Variants in CYP2C19 observed in about 807,000 individuals in gnomAD.
CYP2C19 encodes the protein cytochrome P450 2C19.
CYP2C19 carries 59 observed loss-of-function variants against 40.9 expected under a neutral mutation model. That is an observed-to-expected ratio of 1.44 (90% CI 1.17 to 1.79). CYP2C19 has a LOEUF of 1.79. Among genes scored for constraint, CYP2C19 ranks in the 40% most tolerant of loss-of-function variants. CYP2C19 has a pLI of 0.00. For missense variants in CYP2C19, 754 were observed against 596.9 expected (o/e 1.26, Z -2.74); for synonymous variants, 253 against 208.7 (o/e 1.21, Z -1.83).
At chr10:94,770,078 G>T (rs1848306140) in intron 1 of CYP2C19, among the ~76,000 whole-genome samples, 2 of 152,158 alleles carry the variant, frequency 1.3e-5, no homozygotes, top group South Asian at 4.1e-4. Context: ...CAGGACAGGA[G>T]ATTAACACTG....
chr10:94,776,247 A>C (rs1372746901), intron 3 of CYP2C19: 1 of 152,154 alleles, frequency 6.6e-6, no homozygotes, highest in African/African-American at 2.4e-5. Flanking sequence ...AAAATAATTT[A>C]TTTAACTAGA....
intron 1 of CYP2C19, among the ~76,000 whole-genome samples, chr10:94,770,491 G>A (rs538859524): frequency 4.7e-4 from 72 of 151,984 alleles, no homozygotes; most frequent in African/African-American, 1.7e-3. Flanking sequence ...TTTCCTTTTG[G>A]GCCTGTTCCT....
chr10:94,798,858 G>A (rs1455256198), intron 5 of CYP2C19, among the ~76,000 whole-genome samples: 4 of 103,414 alleles, frequency 3.9e-5, no homozygotes, highest in Non-Finnish European at 7.5e-5. Flanking sequence ...TTGCTTGGTA[G>A]ATCTTCCTCC....
chr10:94,789,793 G>A (rs1192201956), intron 5 of CYP2C19, among the ~76,000 whole-genome samples: 1 of 152,048 alleles, frequency 6.6e-6, no homozygotes, highest in African/African-American at 2.4e-5. Flanking sequence ...CTCCAGCTTT[G>A]TTCTTTTTGC....
chr10:94,841,961 A>G (rs1374687351), intron 6 of CYP2C19, among the ~76,000 whole-genome samples: 1 of 152,206 alleles, frequency 6.6e-6, no homozygotes, highest in Non-Finnish European at 1.5e-5. Flanking sequence ...AAGAATGTGT[A>G]TCTGTAGCAG....
At chr10:94,828,974 G>T (rs1029768072) in intron 6 of CYP2C19, among the ~76,000 whole-genome samples, 2 of 152,044 alleles carry the variant, frequency 1.3e-5, no homozygotes, top group African/African-American at 4.8e-5. Flanking sequence ...TTTTCTTTAA[G>T]AATGTTGAAT....
intron 5 of CYP2C19, among the ~76,000 whole-genome samples, chr10:94,788,192 T>C (rs1268695512): frequency 6.6e-6 from 1 of 151,942 alleles, no homozygotes; most frequent in East Asian, 1.9e-4. Context: ...ATTTTTGATG[T>C]ATACAAATGG....
At chr10:94,848,196 T>A (rs1002186658) in intron 7 of CYP2C19, among the ~76,000 whole-genome samples, 28 of 152,202 alleles carry the variant, frequency 1.8e-4, no homozygotes, top group African/African-American at 6.3e-4. Flanking sequence ...TCTTCTAGGA[T>A]TTTTATGGTT....
chr10:94,800,056 G>A (rs1249996647), intron 5 of CYP2C19, among the ~76,000 whole-genome samples: 4 of 152,180 alleles, frequency 2.6e-5, no homozygotes, highest in African/African-American at 4.8e-5. Context: ...CTAGTGAGGA[G>A]CTGTAATCCC....
chr10:94,849,375 A>G (rs1232060051), intron 7 of CYP2C19, among the ~76,000 whole-genome samples: 1 of 152,034 alleles, frequency 6.6e-6, no homozygotes, highest in Non-Finnish European at 1.5e-5. Flanking sequence ...AAGAAGAAAC[A>G]GGAAATTCAA....
At chr10:94,797,309 T>C (rs112800994) in intron 5 of CYP2C19, among the ~76,000 whole-genome samples, 2 of 152,166 alleles carry the variant, frequency 1.3e-5, no homozygotes, top group Non-Finnish European at 2.9e-5. Context: ...GATTTGCATA[T>C]GTTGAACCAG....
At chr10:94,837,989 A>G (rs1334912109) in intron 6 of CYP2C19, among the ~76,000 whole-genome samples, 1 of 152,156 alleles carries the variant, frequency 6.6e-6, no homozygotes, top group Non-Finnish European at 1.5e-5. Context: ...CCTATTAGAC[A>G]TATAATTTTC....
At position 94,774,581 on chromosome 10, in the gene CYP2C19, G is replaced by T. The variant is rs1024191035; in HGVS notation, c.169-477G>T. On this transcript the variant is annotated intron_variant, in intron 1 of 8. Transcript: ENST00000371321. Reference sequence around the variant, plus strand: ...GTGCTTTTACTATAAATGCTATGATGCATGCTAATCATAAAAGACTGTTGG... The same window carrying T: ...GTGCTTTTACTATAAATGCTATGATTCATGCTAATCATAAAAGACTGTTGG... 1.7e-5 allele frequency: 3 copies of T among 174,324 alleles called. No homozygotes were observed. In the East Asian group the frequency reaches 4.9e-4, roughly 29 times the overall value. 10.8% of individuals were successfully genotyped at this position (174,324 alleles called of 1,614,324 possible).
At chr10:94,835,434 C>T (rs979337649) in intron 6 of CYP2C19, among the ~76,000 whole-genome samples, 1 of 152,170 alleles carries the variant, frequency 6.6e-6, no homozygotes, top group African/African-American at 2.4e-5. Context: ...TGAGGTTACC[C>T]ATTCTATTTC....
intron 5 of CYP2C19, among the ~76,000 whole-genome samples, chr10:94,807,815 A>T (rs1848856747): frequency 6.6e-6 from 1 of 152,026 alleles, no homozygotes; most frequent in Non-Finnish European, 1.5e-5. Flanking sequence ...AAATATTGCA[A>T]ATATTTTCTG....
intron 6 of CYP2C19, among the ~76,000 whole-genome samples, chr10:94,835,868 T>C (rs1337527617): frequency 1.3e-5 from 2 of 152,184 alleles, no homozygotes; most frequent in Non-Finnish European, 2.9e-5. Context: ...GTGAGGAGAT[T>C]ACTTTCAAGT....
At chr10:94,779,131 G>A (rs1848449947) in intron 3 of CYP2C19, among the ~76,000 whole-genome samples, 1 of 152,008 alleles carries the variant, frequency 6.6e-6, no homozygotes, top group Non-Finnish European at 1.5e-5. Flanking sequence ...GGGGGCAAGG[G>A]GAGGGAAAGC....
intron 6 of CYP2C19, among the ~76,000 whole-genome samples, chr10:94,821,865 C>T (rs1411186884): frequency 2.6e-5 from 4 of 151,814 alleles, no homozygotes; most frequent in African/African-American, 4.8e-5. Flanking sequence ...CACTGAGTCT[C>T]GGGGTCCCAA....
intron 1 of CYP2C19, among the ~76,000 whole-genome samples, chr10:94,769,736 A>C (rs1848300880): frequency 1.3e-5 from 2 of 152,098 alleles, no homozygotes; most frequent in Admixed American, 1.3e-4. Flanking sequence ...TTTGATAAGG[A>C]AAAGTGGTGG....
Sources: allele counts gnomAD v4.1 joint callset (sites outside exome capture counted in the v4.1 genomes callset), GRCh38; gene constraint gnomAD v4.1.1; transcripts MANE v1.5; gene names NCBI Gene and HGNC (gene_info 2026-07-23, HGNC 2026-07-21).